PARD3B: variants seen among roughly 807,000 people sequenced by gnomAD.
PARD3B encodes the protein partitioning defective 3 homolog B.
Under a neutral mutation model 130.2 loss-of-function variants are expected in PARD3B, and 103 were observed. The ratio of observed to expected loss-of-function variants is 0.79; its 90% CI spans 0.67 to 0.93. The LOEUF (loss-of-function observed/expected upper bound fraction) is 0.93, where lower values mean the gene tolerates loss of function less well. Ranked by LOEUF, PARD3B falls within the 40% of genes least tolerant of loss-of-function variation. The pLI, the probability that PARD3B is intolerant of heterozygous loss-of-function variation, is 0.00. For synonymous variants in PARD3B, 583 were observed against 553.2 expected (o/e 1.05, Z -0.76); for missense variants, 1,609 against 1,499.2 (o/e 1.07, Z -1.21).
chr2:204,915,440 G>A (rs200179596), intron 2 of PARD3B, among the ~76,000 whole-genome samples: 7 of 151,938 alleles, frequency 4.6e-5, no homozygotes, highest in Admixed American at 2.6e-4. Flanking sequence ...GTTATGCATC[G>A]TTTAAGGAGA....
intron 15 of PARD3B, among the ~76,000 whole-genome samples, chr2:205,198,883 C>T (rs554621469): frequency 1.3e-5 from 2 of 151,484 alleles, no homozygotes; most frequent in African/African-American, 2.4e-5. Flanking sequence ...TATTTATATC[C>T]ATGGATTTCT....
chr2:205,572,622 G>C lies in PARD3B; in HGVS notation c.3260+19219G>C, dbSNP rs1300606783. Among the ~76,000 whole-genome samples the C allele has an allele frequency of 6.6e-6, 1 of 152,168 alleles. No individual in the cohort carries two copies. ...TAGCCGGGCATAGTGGTGGGCACCT[G>C]TAGTCCCAGTTACTCGGGAGGCTGA... On this transcript the variant is annotated intron_variant, in intron 22 of 22. Coordinates refer to ENST00000406610, the MANE Select transcript of PARD3B (RefSeq NM_001302769.2). The surrounding 1 kb of genome is among the most constrained non-coding windows in gnomAD (Gnocchi z 4.2).
At chr2:205,364,185 G>A (rs148726668) in intron 18 of PARD3B, among the ~76,000 whole-genome samples, 2 of 152,156 alleles carry the variant, frequency 1.3e-5, no homozygotes, top group Non-Finnish European at 1.5e-5. Flanking sequence ...TATTCCAAGC[G>A]TAAAAACACT....
Position 205,440,714 on chromosome 2 carries a change from A to G in PARD3B, c.3044+42A>G, listed in dbSNP as rs978942785. The G allele has an allele frequency of 6.4e-7, 1 of 1,551,788 alleles. No homozygotes were observed. The highest frequency in any genetic ancestry group is 8.9e-7 in the Non-Finnish European group (1 of 1,129,318). ...AAGATAAATGTAGCTTTAATTCAGT[A>G]TGTTTCAAATCATCTCTACTGCTGA... On this transcript the variant is annotated intron_variant, in intron 20 of 22. Transcript: ENST00000406610. This position sits in a 1 kb window ranked among gnomAD's most constrained non-coding sequence, Gnocchi z 4.2.
At chr2:205,337,888 G>A (rs904160618) in intron 18 of PARD3B, among the ~76,000 whole-genome samples, 5 of 151,636 alleles carry the variant, frequency 3.3e-5, no homozygotes, top group African/African-American at 4.8e-5. Flanking sequence ...GGTGGCTCAT[G>A]CCTGTAAGCC....
intron 22 of PARD3B, 49 bp downstream of exon 22, chr2:205,553,452 CT>C (rs1212677912): frequency 6.4e-7 from 1 of 1,553,530 alleles, no homozygotes. Flanking sequence ...CAAATGAAGT[CT>C]TTAGAGAAGT....
rs2042760640 is a variant in PARD3B at position 205,321,775 on chromosome 2, A to C, written c.2630+20074A>C. On this transcript the variant is annotated intron_variant, in intron 18 of 22. Transcript: ENST00000406610. The surrounding 1 kb of genome is among the most constrained non-coding windows in gnomAD (Gnocchi z 4.2). ...TTTTTGTGGGGTTTATCACTATCTA[A>C]TCTAAAAACATAAATTAAGTCAGTG... Among the ~76,000 whole-genome samples the C allele has an allele frequency of 6.6e-6, 1 of 152,248 alleles. No homozygotes were observed. Among genetic ancestry groups the C allele is most frequent in the Non-Finnish European group, 1.5e-5 (1 of 68,034 alleles).
At chr2:204,759,570 C>T (rs2040815961) in intron 2 of PARD3B, among the ~76,000 whole-genome samples, 1 of 151,972 alleles carries the variant, frequency 6.6e-6, no homozygotes, top group Non-Finnish European at 1.5e-5. Flanking sequence ...TATGGCCATA[C>T]CATAATTTAT....
intron 5 of PARD3B, among the ~76,000 whole-genome samples, chr2:205,106,071 C>T (rs1221316979): frequency 1.3e-5 from 2 of 151,908 alleles, no homozygotes; most frequent in Non-Finnish European, 1.5e-5. Context: ...ATTAGCCAAG[C>T]TTTCTTCAGC....
At position 205,389,040 on chromosome 2, in the gene PARD3B, G is replaced by A. The variant is rs977986997; in HGVS notation, c.2631-11973G>A. ...ATGGAGATCCTTGTAGGCAACATTC[G>A]TTTGACAAATTTCATAGAAACTTGT... On this transcript the variant is annotated intron_variant, in intron 18 of 22. Coordinates refer to ENST00000406610, the MANE Select transcript of PARD3B (RefSeq NM_001302769.2). Among the ~76,000 whole-genome samples, 9 of 152,260 alleles carry A rather than the reference G, an allele frequency of 5.9e-5. No individual in the cohort carries two copies. The South Asian group carries it at 6.2e-4, about 11-fold the overall frequency.
intron 21 of PARD3B, among the ~76,000 whole-genome samples, chr2:205,548,433 G>C (rs1194391914): frequency 1.3e-5 from 2 of 152,044 alleles, no homozygotes; most frequent in Admixed American, 1.3e-4. Flanking sequence ...GTTTTGGTGA[G>C]TATTACCAAA....
At position 204,833,113 on chromosome 2, in the gene PARD3B, G is replaced by A. The variant is rs558399827; in HGVS notation, c.223-132039G>A. Among the ~76,000 whole-genome samples, 130 of 152,262 alleles carry A rather than the reference G, an allele frequency of 8.5e-4. 1 individual carries two copies. The highest frequency in any genetic ancestry group is 2.9e-3 in the African/African-American group (122 of 41,532). ...GATTTCATTTATTGTGAAAAATGGC[G>A]AATGCAAATTGCATGCCTTATTATG... is the stretch of plus-strand genomic sequence containing the variant. On this transcript the variant is annotated intron_variant, in intron 2 of 22. Coordinates refer to ENST00000406610, the MANE Select transcript of PARD3B (RefSeq NM_001302769.2).
intron 2 of PARD3B, among the ~76,000 whole-genome samples, chr2:204,795,415 T>A (rs928474653): frequency 6.6e-6 from 1 of 152,204 alleles, no homozygotes; most frequent in African/African-American, 2.4e-5. Flanking sequence ...ACTTCTGAGA[T>A]GACTGGTCAC....
intron 20 of PARD3B, among the ~76,000 whole-genome samples, chr2:205,499,293 C>T (rs1278706078): frequency 6.7e-6 from 1 of 149,972 alleles, no homozygotes; most frequent in Non-Finnish European, 1.5e-5. Flanking sequence ...GCACGTTCTA[C>T]TCTACACCAG....
At chr2:205,113,940 G>A (rs1703840372) in intron 6 of PARD3B, among the ~76,000 whole-genome samples, 1 of 151,998 alleles carries the variant, frequency 6.6e-6, no homozygotes, top group Admixed American at 6.6e-5. Context: ...CAACAAGTGA[G>A]TATAATAATT....
intron 2 of PARD3B, among the ~76,000 whole-genome samples, chr2:204,905,768 C>T (rs1307296493): frequency 2.6e-5 from 4 of 152,114 alleles, no homozygotes; most frequent in Non-Finnish European, 5.9e-5. Context: ...CCTCTCCTTC[C>T]TACTTAATGT....
chr2:205,281,684 C>T lies in PARD3B; in HGVS notation c.2186-18846C>T, dbSNP rs540626448. Among the ~76,000 whole-genome samples the T allele has an allele frequency of 6.6e-5, 10 of 152,274 alleles. No homozygotes were observed. Among genetic ancestry groups the T allele is most frequent in the African/African-American group, 1.2e-4 (5 of 41,548 alleles). On this transcript the variant is annotated intron_variant, in intron 16 of 22. Coordinates refer to ENST00000406610, the MANE Select transcript of PARD3B (RefSeq NM_001302769.2). This position sits in a 1 kb window ranked among gnomAD's most constrained non-coding sequence, Gnocchi z 4.2. The stretch of plus-strand genomic sequence containing the variant: ...TCTAAGACACTATATAACCTGCACT[C>T]GGAAGGCAGGCAACTGTTTTGTATC...
chr2:205,552,502 G>A (rs866474822), intron 21 of PARD3B, among the ~76,000 whole-genome samples: 10 of 152,066 alleles, frequency 6.6e-5, no homozygotes, highest in Admixed American at 3.3e-4. Context: ...TCTGCCTCCC[G>A]GGTTCAAGTG....
intron 2 of PARD3B, among the ~76,000 whole-genome samples, chr2:204,787,185 G>A (rs1458575367): frequency 2.3e-5 from 3 of 130,420 alleles, no homozygotes; most frequent in Non-Finnish European, 1.6e-5. Context: ...CAGCCTTGGA[G>A]TAAGAGATCA....
Sources: allele counts gnomAD v4.1 joint callset (sites outside exome capture counted in the v4.1 genomes callset), GRCh38; gene constraint gnomAD v4.1.1; non-coding constraint Gnocchi (gnomAD v3.1); transcripts MANE v1.5; gene names NCBI Gene and HGNC (gene_info 2026-07-23, HGNC 2026-07-21).